Variants in NEGR1 observed in about 807,000 individuals in gnomAD.
NEGR1 encodes the protein IgLON family member 4.
NEGR1 carries 10 observed loss-of-function variants against 40.9 expected under a neutral mutation model. The ratio of observed to expected loss-of-function variants is 0.24; its 90% CI spans 0.15 to 0.42. The LOEUF (loss-of-function observed/expected upper bound fraction) is 0.42, where lower values mean the gene tolerates loss of function less well. Among genes scored for constraint, NEGR1 ranks in the 10% least tolerant of loss-of-function variants. NEGR1 has a pLI of 1.00. For synonymous variants in NEGR1, 185 were observed against 166.8 expected (o/e 1.11, Z -0.84); for missense variants, 352 against 438.9 (o/e 0.80, Z 1.77).
intron 6 of NEGR1, among the ~76,000 whole-genome samples, chr1:71,582,239 C>A (rs969974633): frequency 1.3e-5 from 2 of 151,566 alleles, no homozygotes; most frequent in African/African-American, 4.9e-5. Flanking sequence ...ATATACAGTA[C>A]AAAGGGAAAA....
At chr1:71,894,786 T>C (rs138385752) in intron 2 of NEGR1, among the ~76,000 whole-genome samples, 179 of 152,318 alleles carry the variant, frequency 1.2e-3, no homozygotes, top group African/African-American at 4.0e-3. Flanking sequence ...CTCATGCCTG[T>C]AGTTTAAGCC....
intron 3 of NEGR1, among the ~76,000 whole-genome samples, chr1:71,759,818 C>A (rs1293195985): frequency 6.6e-6 from 1 of 151,632 alleles, no homozygotes. Flanking sequence ...GCATGTCACC[C>A]TGACTGGTCT....
At chr1:71,660,808 G>A (rs757725530) in intron 4 of NEGR1, among the ~76,000 whole-genome samples, 9 of 151,988 alleles carry the variant, frequency 5.9e-5, no homozygotes, top group African/African-American at 1.4e-4. Flanking sequence ...CCATCAACCC[G>A]TCATCCACAT....
intron 2 of NEGR1, among the ~76,000 whole-genome samples, chr1:71,801,383 A>G (rs1394324304): frequency 1.3e-5 from 2 of 152,206 alleles, no homozygotes; most frequent in Admixed American, 6.5e-5. Context: ...TGAATTGTAG[A>G]CACAGATCTC....
At position 72,171,350 on chromosome 1, in the gene NEGR1, G is replaced by A. The variant is rs75431469; in HGVS notation, c.176+110969C>T. On this transcript the variant is annotated intron_variant, in intron 1 of 6. Transcript: ENST00000357731. ...CATGGAACATCAAAAATCTACAGACGCTCATGGTGTAAGAGCACATAAAAG... is the reference window on the plus strand; with the variant it reads ...CATGGAACATCAAAAATCTACAGACACTCATGGTGTAAGAGCACATAAAAG... 8.5e-3 allele frequency among the ~76,000 whole-genome samples: 1,300 copies of A among 152,116 alleles called. 19 individuals carry two copies. Among genetic ancestry groups the A allele is most frequent in the African/African-American group, 0.03 (1,238 of 41,510 alleles).
At chr1:71,604,666 A>G (rs1650025000) in intron 5 of NEGR1, among the ~76,000 whole-genome samples, 2 of 152,182 alleles carry the variant, frequency 1.3e-5, no homozygotes, top group South Asian at 4.1e-4. Flanking sequence ...CCATGCCTCT[A>G]TGTAAAGTGA....
At chr1:71,921,717 TATA>T (rs1210792755) in intron 2 of NEGR1, among the ~76,000 whole-genome samples, 9 of 145,848 alleles carry the variant, frequency 6.2e-5, no homozygotes, top group Non-Finnish European at 1.3e-4. Flanking sequence ...TATATATATA[TATA>T]TATATATATA....
chr1:71,809,289 A>G (rs1657898217), intron 2 of NEGR1, among the ~76,000 whole-genome samples: 1 of 152,178 alleles, frequency 6.6e-6, no homozygotes, highest in Non-Finnish European at 1.5e-5. Context: ...AAACAGATAT[A>G]ATAGGCCTTG....
chr1:72,069,409 A>C (rs1198330868), intron 1 of NEGR1, among the ~76,000 whole-genome samples: 3 of 151,950 alleles, frequency 2.0e-5, no homozygotes, highest in Non-Finnish European at 4.4e-5. Context: ...GGGCCACTGC[A>C]CTCCAGCTTG....
At chr1:71,685,656 C>T (rs530722047) in intron 4 of NEGR1, among the ~76,000 whole-genome samples, 5 of 152,196 alleles carry the variant, frequency 3.3e-5, no homozygotes, top group East Asian at 3.9e-4. Context: ...TAACATAGAG[C>T]GTGCTTTCAT....
chr1:72,167,029 A>T (rs994645445), intron 1 of NEGR1, among the ~76,000 whole-genome samples: 5 of 152,120 alleles, frequency 3.3e-5, no homozygotes, highest in Admixed American at 6.6e-5. Flanking sequence ...CTGAGCCTGA[A>T]GCTAACACCT....
At chr1:72,094,933 T>C (rs1018447219) in intron 1 of NEGR1, among the ~76,000 whole-genome samples, 26 of 152,112 alleles carry the variant, frequency 1.7e-4, no homozygotes, top group African/African-American at 6.3e-4. Flanking sequence ...TATGAGAAGG[T>C]AATATAATTT....
chr1:71,801,989 C>A (rs1267864164), intron 2 of NEGR1, among the ~76,000 whole-genome samples: 1 of 152,068 alleles, frequency 6.6e-6, no homozygotes, highest in Admixed American at 6.5e-5. Flanking sequence ...AAATGAGGAA[C>A]ATGTTATCAG....
intron 6 of NEGR1, among the ~76,000 whole-genome samples, chr1:71,451,160 C>A (rs1646625157): frequency 6.6e-6 from 1 of 152,148 alleles, no homozygotes; most frequent in Non-Finnish European, 1.5e-5. Context: ...TTAAGTAGGG[C>A]AGACAGGCTT....
chr1:72,035,806 C>A (rs183042541), intron 1 of NEGR1, among the ~76,000 whole-genome samples: 1 of 152,304 alleles, frequency 6.6e-6, no homozygotes, highest in East Asian at 1.9e-4. Flanking sequence ...GGTCTTTTTA[C>A]AGCCCCAATT....
chr1:71,765,772 A>G (rs1656100003), intron 3 of NEGR1, among the ~76,000 whole-genome samples: 4 of 152,188 alleles, frequency 2.6e-5, no homozygotes, highest in Admixed American at 2.6e-4. Context: ...AAATCATGGC[A>G]TTCTGATTCT....
intron 1 of NEGR1, among the ~76,000 whole-genome samples, chr1:71,938,250 C>T (rs1350982006): frequency 6.6e-6 from 1 of 151,852 alleles, no homozygotes; most frequent in Non-Finnish European, 1.5e-5. Flanking sequence ...TGGAATTTTA[C>T]AAATTTTGAA....
chr1:71,996,088 G>GA (rs1203689866), intron 1 of NEGR1, among the ~76,000 whole-genome samples: 1 of 151,982 alleles, frequency 6.6e-6, no homozygotes, highest in African/African-American at 2.4e-5. Context: ...ACTTCCTGGA[G>GA]AAAAAAGTAT....
At chr1:71,780,040 CAA>C (rs57576840) in intron 2 of NEGR1, among the ~76,000 whole-genome samples, 269 of 99,646 alleles carry the variant, frequency 2.7e-3, no homozygotes, top group African/African-American at 0.012. Flanking sequence ...ATAGGAAAAC[CAA>C]AAAAAAAAAA....
Sources: allele counts gnomAD v4.1 joint callset (sites outside exome capture counted in the v4.1 genomes callset), GRCh38; gene constraint gnomAD v4.1.1; transcripts MANE v1.5; gene names NCBI Gene and HGNC (gene_info 2026-07-23, HGNC 2026-07-21).